Variants in BMAL1 observed in about 807,000 individuals in gnomAD.
BMAL1 encodes the protein basic helix-loop-helix ARNT like 1, also known as basic helix-loop-helix ARNT-like protein 1.
At chr11:13,280,459 A>G in the BMAL1 span, among the ~76,000 whole-genome samples, 1 of 152,252 alleles carries the variant, frequency 6.6e-6, no homozygotes, top group Non-Finnish European at 1.5e-5. Flanking sequence ...TCTTTGGTGT[A>G]AGGGTTATAA....
chr11:13,348,575 A>G, the BMAL1 span, among the ~76,000 whole-genome samples: 89 of 152,118 alleles, frequency 5.9e-4, 1 homozygote, highest in Non-Finnish European at 1.1e-3. Flanking sequence ...CTGGGTTGCT[A>G]ATTTGGGGGC....
At chr11:13,355,563 G>T in the BMAL1 span, among the ~76,000 whole-genome samples, 1 of 152,176 alleles carries the variant, frequency 6.6e-6, no homozygotes, top group Non-Finnish European at 1.5e-5. Context: ...AATTCATGGA[G>T]ACTCAATTAA....
At chr11:13,297,124 A>C in the BMAL1 span, among the ~76,000 whole-genome samples, 1 of 152,168 alleles carries the variant, frequency 6.6e-6, no homozygotes, top group Non-Finnish European at 1.5e-5. Context: ...AAATAAGTTT[A>C]ATATGTAAGT....
chr11:13,308,267 AC>A, the BMAL1 span, among the ~76,000 whole-genome samples: 1 of 152,176 alleles, frequency 6.6e-6, no homozygotes, highest in South Asian at 2.1e-4. Flanking sequence ...TCTGTGTTGG[AC>A]ATGTTTAAGT....
the BMAL1 span, among the ~76,000 whole-genome samples, chr11:13,372,567 TTTGAGGCCAAGGTGGGTGGATCAC>T: frequency 6.6e-6 from 1 of 152,184 alleles, no homozygotes; most frequent in Non-Finnish European, 1.5e-5. Flanking sequence ...CCCAGCACTT[TTTGAGGCCAAGGTGGGTGGATCAC>T]TTGAGCCCAG....
At chr11:13,277,694 C>T in the BMAL1 span, 1 of 106,044 alleles carries the variant, frequency 9.4e-6, no homozygotes, top group Non-Finnish European at 2.0e-5. Context: ...TGCGGCTCCT[C>T]CATTGGTGGG....
At chr11:13,386,233 C>A in the BMAL1 span, among the ~76,000 whole-genome samples, 1 of 152,134 alleles carries the variant, frequency 6.6e-6, no homozygotes, top group Non-Finnish European at 1.5e-5. Flanking sequence ...TTCCTATTTG[C>A]CTTTCTTTTT....
At chr11:13,339,823 C>T in the BMAL1 span, among the ~76,000 whole-genome samples, 3 of 152,228 alleles carry the variant, frequency 2.0e-5, no homozygotes, top group South Asian at 2.1e-4. Context: ...ATCCAGCACC[C>T]GACATAACTT....
chr11:13,374,683 C>T, the BMAL1 span, among the ~76,000 whole-genome samples: 1 of 152,262 alleles, frequency 6.6e-6, no homozygotes, highest in Admixed American at 6.5e-5. Context: ...CACCCTGGTT[C>T]AGGCCCTCGT....
chr11:13,323,298 A>G, the BMAL1 span, among the ~76,000 whole-genome samples: 1 of 152,164 alleles, frequency 6.6e-6, no homozygotes, highest in South Asian at 2.1e-4. Flanking sequence ...GGCAAGCCCC[A>G]AATCTTTGTA....
the BMAL1 span, among the ~76,000 whole-genome samples, chr11:13,315,783 C>A: frequency 2.0e-5 from 3 of 152,166 alleles, no homozygotes; most frequent in African/African-American, 7.2e-5. Context: ...TAGGCAGGTG[C>A]GCAGCCTGGA....
At chr11:13,303,653 C>T in the BMAL1 span, among the ~76,000 whole-genome samples, 1 of 152,218 alleles carries the variant, frequency 6.6e-6, no homozygotes, top group Admixed American at 6.5e-5. Context: ...TCCTGTGTCT[C>T]TGCCTTCTTC....
At chr11:13,279,640 T>G in the BMAL1 span, among the ~76,000 whole-genome samples, 2 of 152,244 alleles carry the variant, frequency 1.3e-5, no homozygotes, top group Non-Finnish European at 2.9e-5. Context: ...CAAATATTTT[T>G]GAAAATACAA....
At chr11:13,349,466 C>T in the BMAL1 span, among the ~76,000 whole-genome samples, 2 of 152,208 alleles carry the variant, frequency 1.3e-5, no homozygotes, top group Admixed American at 6.5e-5. Context: ...GCCTCAGTCT[C>T]TTCTGTAAAA....
At chr11:13,376,267 C>T in the BMAL1 span, among the ~76,000 whole-genome samples, 1 of 152,198 alleles carries the variant, frequency 6.6e-6, no homozygotes, top group African/African-American at 2.4e-5. Context: ...GCCAGGCCTG[C>T]TCCCCACTTT....
the BMAL1 span, among the ~76,000 whole-genome samples, chr11:13,333,938 T>C: frequency 6.6e-6 from 1 of 152,210 alleles, no homozygotes; most frequent in Non-Finnish European, 1.5e-5. Context: ...AAGGTTTATG[T>C]TCTCCAGTGC....
chr11:13,347,613 G>A, the BMAL1 span, among the ~76,000 whole-genome samples: 22 of 152,228 alleles, frequency 1.4e-4, no homozygotes, highest in African/African-American at 4.1e-4. Context: ...TTGAGAGGCC[G>A]AGATGGGCGG....
the BMAL1 span, among the ~76,000 whole-genome samples, chr11:13,309,816 C>A: frequency 6.6e-6 from 1 of 152,112 alleles, no homozygotes; most frequent in Admixed American, 6.5e-5. Context: ...GGGTGCCTGG[C>A]CTGCCTGGAA....
chr11:13,315,101 T>G, the BMAL1 span, among the ~76,000 whole-genome samples: 1 of 152,148 alleles, frequency 6.6e-6, no homozygotes, highest in Non-Finnish European at 1.5e-5. Context: ...TAGGAAAGCT[T>G]TTCAGAAGAG....
Sources: gnomAD v4.1 joint callset for allele counts (sites outside exome capture counted in the v4.1 genomes callset) on GRCh38, gnomAD v4.1.1 for gene constraint, MANE v1.5 for transcripts, NCBI Gene and HGNC (gene_info 2026-07-23, HGNC 2026-07-21) for gene names.